Variants in CAST observed in about 807,000 individuals in gnomAD.
CAST encodes the protein calpastatin, also known as MIR583 host.
In CAST, 76 loss-of-function variants were observed where a neutral mutation model predicts 119.6. The ratio of observed to expected loss-of-function variants is 0.64; its 90% confidence interval spans 0.53 to 0.77. The LOEUF (loss-of-function observed/expected upper bound fraction) is 0.77, where lower values mean the gene tolerates loss of function less well. Among genes scored for constraint, CAST ranks in the 30% least tolerant of loss-of-function variants. The pLI, the probability that CAST is intolerant of heterozygous loss-of-function variation, is 0.00. For missense variants in CAST, 953 were observed against 946.5 expected, an observed-to-expected ratio of 1.01 and a Z score of -0.09; for synonymous variants, 319 against 331.6, an observed-to-expected ratio of 0.96 and a Z score of 0.41.
chr5:96,388,533 T>C, the CAST span, among the ~76,000 whole-genome samples: 29 of 152,288 alleles, frequency 1.9e-4, no homozygotes, highest in Admixed American at 1.7e-3. Context: ...TAATATTCCA[T>C]TGGCCAAAGT....
chr5:96,301,772 T>A, the CAST span, among the ~76,000 whole-genome samples: 7 of 152,302 alleles, frequency 4.6e-5, no homozygotes, highest in Admixed American at 6.5e-5. Flanking sequence ...GGACAGCTCC[T>A]CCCCTGTGGC....
the CAST span, among the ~76,000 whole-genome samples, chr5:96,519,775 T>G: frequency 6.6e-6 from 1 of 152,128 alleles, no homozygotes; most frequent in Non-Finnish European, 1.5e-5. Flanking sequence ...CTTTGCTAAT[T>G]TTTGTATTTG....
chr5:96,110,237 G>GT, the CAST span, among the ~76,000 whole-genome samples: 861 of 152,172 alleles, frequency 5.7e-3, 10 homozygotes, highest in Admixed American at 0.01. Flanking sequence ...TTATCATCAG[G>GT]TTTTTTCTCT....
chr5:96,499,423 G>T, the CAST span, among the ~76,000 whole-genome samples: 2 of 152,172 alleles, frequency 1.3e-5, no homozygotes, highest in East Asian at 3.8e-4. Context: ...TTAAAAAACT[G>T]TGTCTTAATT....
At chr5:96,368,125 CCCTTT>C in the CAST span, among the ~76,000 whole-genome samples, 1 of 150,904 alleles carries the variant, frequency 6.6e-6, no homozygotes, top group Non-Finnish European at 1.5e-5. Context: ...CTTTTTTTTC[CCCTTT>C]CCTTTCCTTC....
chr5:96,454,184 C>G, the CAST span, among the ~76,000 whole-genome samples: 17 of 152,138 alleles, frequency 1.1e-4, no homozygotes, highest in Non-Finnish European at 1.0e-4. Flanking sequence ...TTAATGAACC[C>G]TACTACGTGG....
chr5:96,774,592 T>A lies in CAST; in HGVS notation c.*1976T>A, dbSNP rs542214171. The A allele has an allele frequency of 1.0e-6, 1 of 985,556 alleles. No homozygotes were observed. Among genetic ancestry groups the A allele is most frequent in the Non-Finnish European group, 1.2e-6 (1 of 829,840 alleles). 61.1% of individuals were successfully genotyped at this position (985,556 alleles called of 1,614,324 possible). On this transcript the variant is annotated 3_prime_UTR_variant, in exon 32 of 32. Coordinates refer to ENST00000675179, the MANE Select transcript of CAST (RefSeq NM_001750.7). ...TTTTCCAAAAGCAAACAAAGATAGG[T>A]TCCTCAGGTGACCAAAACTGAAAAT...
the CAST span, among the ~76,000 whole-genome samples, chr5:95,987,854 C>T: frequency 6.6e-6 from 1 of 152,138 alleles, no homozygotes. Flanking sequence ...ATTTGGTTCC[C>T]CAATTGCACT....
the CAST span, among the ~76,000 whole-genome samples, chr5:96,324,125 A>G: frequency 6.6e-6 from 1 of 152,228 alleles, no homozygotes; most frequent in African/African-American, 2.4e-5. Flanking sequence ...TCTTATTGAT[A>G]GAAATTCTCC....
At chr5:95,982,391 A>C in the CAST span, among the ~76,000 whole-genome samples, 1 of 152,114 alleles carries the variant, frequency 6.6e-6, no homozygotes, top group Non-Finnish European at 1.5e-5. Context: ...CACAATCAAA[A>C]TATAGAACTG....
the CAST span, among the ~76,000 whole-genome samples, chr5:96,367,932 G>T: frequency 6.6e-6 from 1 of 152,000 alleles, no homozygotes; most frequent in East Asian, 1.9e-4. Flanking sequence ...GAGAGCTGTA[G>T]AGTGGGGCTC....
At chr5:96,492,812 G>C in the CAST span, among the ~76,000 whole-genome samples, 3 of 152,210 alleles carry the variant, frequency 2.0e-5, no homozygotes, top group African/African-American at 7.2e-5. Flanking sequence ...GCTAAAGAGA[G>C]GCCCCATGCC....
the CAST span, among the ~76,000 whole-genome samples, chr5:96,091,911 A>G: frequency 2.6e-5 from 4 of 152,294 alleles, no homozygotes; most frequent in South Asian, 4.1e-4. Context: ...GCACTCAGTC[A>G]GGGTTAGTAC....
intron 10 of CAST, among the ~76,000 whole-genome samples, chr5:96,737,289 G>T (rs1761861279): frequency 2.0e-5 from 3 of 151,454 alleles, no homozygotes; most frequent in Admixed American, 2.0e-4. Flanking sequence ...TTTCTGTTTT[G>T]TAAACCTCTT....
chr5:96,460,713 C>T, the CAST span, among the ~76,000 whole-genome samples: 2 of 152,018 alleles, frequency 1.3e-5, no homozygotes, highest in African/African-American at 4.8e-5. Context: ...TGCATATTTA[C>T]AGTAAAAGTA....
the CAST span, among the ~76,000 whole-genome samples, chr5:95,971,782 G>A: frequency 7.1e-3 from 1,079 of 152,152 alleles, 30 homozygotes; most frequent in East Asian, 0.075. Flanking sequence ...GCAGGTACCC[G>A]TAGTTTGTTC....
the CAST span, among the ~76,000 whole-genome samples, chr5:96,120,087 A>G: frequency 1.1e-4 from 17 of 152,266 alleles, no homozygotes; most frequent in South Asian, 1.0e-3. Context: ...GGACATAAAT[A>G]GCTTCCTAGT....
intron 1 of CAST, among the ~76,000 whole-genome samples, chr5:96,593,774 G>A (rs777466669): frequency 3.9e-5 from 6 of 152,158 alleles, no homozygotes; most frequent in Non-Finnish European, 5.9e-5. Context: ...CACCATGTGG[G>A]AATCCAGGAA....
At chr5:96,561,807 T>TTTG (rs1474018187) in intron 1 of CAST, among the ~76,000 whole-genome samples, 2 of 121,454 alleles carry the variant, frequency 1.6e-5, no homozygotes, top group African/African-American at 6.2e-5. Flanking sequence ...TTTTTTTTTT[T>TTTG]TTTGAGACGG....
Sources: gnomAD v4.1 joint callset for allele counts (sites outside exome capture counted in the v4.1 genomes callset) on GRCh38, gnomAD v4.1.1 for gene constraint, MANE v1.5 for transcripts, NCBI Gene and HGNC (gene_info 2026-07-23, HGNC 2026-07-21) for gene names.